The following EPHA5 variants were observed in gnomAD, a reference collection of about 807,000 sequenced individuals.
EPHA5 encodes EPH receptor A5.
A neutral mutation model predicts 105.0 loss-of-function variants in EPHA5; 60 were observed. That is an observed-to-expected ratio of 0.57 (90% confidence interval 0.46 to 0.71). EPHA5 has a LOEUF of 0.71. Ranked by LOEUF, EPHA5 falls within the 30% of genes least tolerant of loss-of-function variation. EPHA5 has a pLI of 0.00. For synonymous variants in EPHA5, 513 were observed against 449.1 expected (o/e 1.14, Z -1.80); for missense variants, 1,218 against 1,274.7 (o/e 0.96, Z 0.68).
intron 3 of EPHA5, among the ~76,000 whole-genome samples, chr4:65,578,876 T>G (rs910987380): frequency 3.9e-5 from 6 of 152,080 alleles, no homozygotes; most frequent in Admixed American, 1.3e-4. Flanking sequence ...ATAAGTTTAT[T>G]GTACAGAGAA....
chr4:65,640,695 T>C (rs1459357128), intron 2 of EPHA5, among the ~76,000 whole-genome samples: 2 of 152,170 alleles, frequency 1.3e-5, no homozygotes, highest in East Asian at 1.9e-4. Flanking sequence ...TGTGTGCATG[T>C]TGGGACATTC....
intron 3 of EPHA5, among the ~76,000 whole-genome samples, chr4:65,531,823 G>C (rs890283420): frequency 3.9e-5 from 6 of 152,120 alleles, no homozygotes; most frequent in Admixed American, 1.3e-4. Context: ...TAACTCTCAG[G>C]CTTCTTTTAC....
intron 11 of EPHA5, 128 bp downstream of exon 11, chr4:65,364,889 C>T: frequency 4.6e-6 from 3 of 645,548 alleles, no homozygotes; most frequent in Non-Finnish European, 6.9e-6. Context: ...TACTAAAATA[C>T]AGGATAAACA....
chr4:65,570,491 A>G (rs1379018257), intron 3 of EPHA5, among the ~76,000 whole-genome samples: 1 of 150,958 alleles, frequency 6.6e-6, no homozygotes, highest in African/African-American at 2.4e-5. Flanking sequence ...ACTCATGCAA[A>G]TGTTCTGATT....
intron 11 of EPHA5, among the ~76,000 whole-genome samples, chr4:65,357,914 A>G (rs1337110104): frequency 2.0e-5 from 3 of 151,370 alleles, no homozygotes; most frequent in African/African-American, 7.3e-5. Context: ...CAAATCTCCA[A>G]AAGAGAAGAG....
intron 3 of EPHA5, among the ~76,000 whole-genome samples, chr4:65,594,623 A>G (rs2149422920): frequency 6.6e-6 from 1 of 152,330 alleles, no homozygotes; most frequent in Non-Finnish European, 1.5e-5. Context: ...GTTTGACCAG[A>G]AAGAAATCAC....
At chr4:65,532,253 A>G (rs530577036) in intron 3 of EPHA5, among the ~76,000 whole-genome samples, 13 of 152,120 alleles carry the variant, frequency 8.5e-5, no homozygotes, top group Non-Finnish European at 1.3e-4. Context: ...TAGTAATGGA[A>G]TTTAATGTGA....
Position 65,320,572 on chromosome 4 carries a change from A to C in EPHA5, c.*3542T>G. The C allele has an allele frequency of 4.4e-6, 1 of 229,750 alleles. No homozygotes were observed. The highest frequency in any genetic ancestry group is 6.2e-5 in the East Asian group (1 of 16,220). 14.2% of individuals were successfully genotyped at this position (229,750 alleles called of 1,614,324 possible). A position where few individuals can be genotyped will look rare whatever the true frequency, so the allele number is the denominator to read the frequency against. ...GCCATCCAATGCACTTTTATAGCCAAAAATGTCTTCAGAAGGTAAATATCT... is the reference window on the plus strand; with the variant it reads ...GCCATCCAATGCACTTTTATAGCCACAAATGTCTTCAGAAGGTAAATATCT... On this transcript the variant is annotated 3_prime_UTR_variant, in exon 17 of 17. Coordinates refer to ENST00000613740, the MANE Select transcript of EPHA5 (RefSeq NM_001281766.3).
At chr4:65,457,347 A>G (rs1230456745) in intron 5 of EPHA5, among the ~76,000 whole-genome samples, 1 of 152,174 alleles carries the variant, frequency 6.6e-6, no homozygotes, top group Non-Finnish European at 1.5e-5. Context: ...CTATACCTAC[A>G]TCATAGGATC....
At chr4:65,614,348 G>A (rs1745037490) in intron 2 of EPHA5, among the ~76,000 whole-genome samples, 3 of 151,776 alleles carry the variant, frequency 2.0e-5, no homozygotes, top group African/African-American at 7.3e-5. Context: ...CAGATAACCA[G>A]TAAATCTAGT....
chr4:65,561,370 G>A (rs1285664462), intron 3 of EPHA5, among the ~76,000 whole-genome samples: 1 of 147,808 alleles, frequency 6.8e-6, no homozygotes, highest in Non-Finnish European at 1.5e-5. Flanking sequence ...GTTATTCACA[G>A]TCATAGGCAT....
intron 5 of EPHA5, among the ~76,000 whole-genome samples, chr4:65,446,339 A>G (rs1213916238): frequency 6.6e-6 from 1 of 152,190 alleles, no homozygotes; most frequent in East Asian, 1.9e-4. Context: ...TGTTCATTTA[A>G]TCATTACTTT....
intron 4 of EPHA5, 41 bp downstream of exon 4, chr4:65,495,347 G>A (rs762284606): frequency 6.3e-7 from 1 of 1,590,494 alleles, no homozygotes; most frequent in East Asian, 2.2e-5. Flanking sequence ...CCTCAAAACT[G>A]GTTAAAGTTA....
At chr4:65,495,269 T>G in intron 4 of EPHA5, 119 bp downstream of exon 4, 1 of 1,120,902 alleles carries the variant, frequency 8.9e-7, no homozygotes, top group Non-Finnish European at 1.3e-6. Context: ...TGTATAGAGA[T>G]GATTAAACAT....
At chr4:65,561,526 GCTGTTCA>G (rs985313847) in intron 3 of EPHA5, among the ~76,000 whole-genome samples, 22 of 152,054 alleles carry the variant, frequency 1.4e-4, no homozygotes, top group African/African-American at 5.3e-4. Flanking sequence ...CTAGATTTAG[GCTGTTCA>G]CAGTGGTCCA....
chr4:65,353,512 A>G (rs997965394), intron 11 of EPHA5, among the ~76,000 whole-genome samples: 1 of 150,634 alleles, frequency 6.6e-6, no homozygotes, highest in African/African-American at 2.4e-5. Flanking sequence ...TTACACACAC[A>G]CACACACACA....
chr4:65,455,586 A>G (rs77593799), intron 5 of EPHA5, among the ~76,000 whole-genome samples: 4,373 of 152,320 alleles, frequency 0.029, 79 homozygotes, highest in African/African-American at 0.049. Context: ...AAAATCATTG[A>G]TACATGCAAG....
intron 11 of EPHA5, among the ~76,000 whole-genome samples, chr4:65,355,021 CTA>C (rs1433419802): frequency 6.6e-6 from 1 of 151,658 alleles, no homozygotes; most frequent in African/African-American, 2.4e-5. Context: ...TTGTAGATGC[CTA>C]TGTTAGGTGA....
In EPHA5 at chr4:65,348,058, T is replaced by C; in HGVS notation, c.2591A>G (p.Gln864Arg). The C allele has an allele frequency of 6.2e-7, 1 of 1,605,132 alleles. No individual in the cohort carries two copies. Among genetic ancestry groups the C allele is most frequent in the Non-Finnish European group, 8.5e-7 (1 of 1,176,316 alleles). Reference sequence around the variant, plus strand: ...AAAGAGTAGTTCCATACTCACATCTTGATTGGTCATCTCCCAGTAGGGTCT... The same window carrying C: ...AAAGAGTAGTTCCATACTCACATCTCGATTGGTCATCTCCCAGTAGGGTCT... ...GERPYWEMTN[Q>R]DVIKAVEEGY... is the part of the protein sequence containing the mutation. Residue 864 changes from glutamine (Q) to arginine (R), a missense_variant, in exon 14 of 17, where the codon CAA becomes CGA. Physicochemically the swap from Gln to Arg is conservative, Grantham distance 43 (BLOSUM62 1). This residue lies in a region of EPHA5 where 971 missense variants were observed against 1,013.5 expected (regional missense o/e 0.96). Coordinates refer to ENST00000613740, the MANE Select transcript of EPHA5 (RefSeq NM_001281766.3).
Sources: allele counts gnomAD v4.1 joint callset (sites outside exome capture counted in the v4.1 genomes callset), GRCh38; gene constraint gnomAD v4.1.1; regional missense constraint gnomAD v4.1.1; transcripts MANE v1.5; gene names NCBI Gene and HGNC (gene_info 2026-07-23, HGNC 2026-07-21).